Variants in RPRD1A observed in about 807,000 individuals in gnomAD.
The protein encoded by RPRD1A is regulation of nuclear pre-mRNA domain-containing protein 1A.
Under a neutral mutation model 37.8 loss-of-function variants are expected in RPRD1A, and 9 were observed. The ratio of observed to expected loss-of-function variants is 0.24; its 90% CI spans 0.14 to 0.42. The LOEUF (loss-of-function observed/expected upper bound fraction) is 0.42, where lower values mean the gene tolerates loss of function less well. RPRD1A is among the 10% of genes least tolerant of loss of function. The pLI is 1.00. For synonymous variants in RPRD1A, 138 were observed against 139.7 expected (o/e 0.99, Z 0.08); for missense variants, 255 against 371.0 (o/e 0.69, Z 2.57).
At chr18:36,060,060 G>A (rs1438317868) in intron 1 of RPRD1A, among the ~76,000 whole-genome samples, 1 of 152,084 alleles carries the variant, frequency 6.6e-6, no homozygotes, top group African/African-American at 2.4e-5. Flanking sequence ...CAATATAAAA[G>A]CCACTGAACT....
chr18:36,002,418 CTTA>C (rs796313657), intron 6 of RPRD1A, among the ~76,000 whole-genome samples: 11 of 152,196 alleles, frequency 7.2e-5, no homozygotes, highest in Middle Eastern at 3.4e-3. Context: ...CAAACACATT[CTTA>C]TTATTTTTTT....
chr18:35,990,523 T>C lies in RPRD1A; in HGVS notation c.*2628A>G, dbSNP rs1476241659. The C allele has an allele frequency of 1.3e-5, 2 of 152,192 alleles. No homozygotes were observed. The highest frequency in any genetic ancestry group is 2.9e-5 in the Non-Finnish European group (2 of 68,042). The allele number at this position is 152,192 out of a possible 1,614,324, so 9.4% of individuals were successfully genotyped here. A position where few individuals can be genotyped will look rare whatever the true frequency, so the allele number is the denominator to read the frequency against. On this transcript the variant is annotated 3_prime_UTR_variant, in exon 7 of 7. Transcript: ENST00000399022. ...GGTTCCCCTCTATGGTCCTTTTACT[T>C]ACTGTAGTGATGGAAGGAGAGAAGG...
chr18:35,993,471 G>A (rs568473718), intron 6 of RPRD1A, among the ~76,000 whole-genome samples, 171 bp from the exon 7 acceptor site: 10 of 152,308 alleles, frequency 6.6e-5, no homozygotes, highest in African/African-American at 2.4e-4. Flanking sequence ...TATATAACTA[G>A]TAAACTATTA....
chr18:36,039,479 G>A (rs1912433432), intron 1 of RPRD1A, among the ~76,000 whole-genome samples: 1 of 152,140 alleles, frequency 6.6e-6, no homozygotes, highest in South Asian at 2.1e-4. Flanking sequence ...AAAGAAATCA[G>A]AGTCCAGACT....
intron 6 of RPRD1A, among the ~76,000 whole-genome samples, chr18:35,999,436 T>A (rs569259177): frequency 1.3e-5 from 2 of 152,356 alleles, no homozygotes; most frequent in Admixed American, 1.3e-4. Context: ...TGAGATGATA[T>A]CAGAATCACC....
chr18:36,031,233 ATCACTATGTGG>A lies in RPRD1A; in HGVS notation c.282-147_282-137del. 2.7e-6 allele frequency: 3 copies of A among 1,101,870 alleles called. No homozygotes were observed. The East Asian group carries it at 8.2e-5, about 30-fold the overall frequency. The allele number at this position is 1,101,870 out of a possible 1,614,324, so 68.3% of individuals were successfully genotyped here. On this transcript the variant is annotated intron_variant, in intron 2 of 6. Transcript: ENST00000399022. ...AAAACTGTCCAAATGTCTACTTAGC[ATCACTATGTGG>A]CCAGCAGCTCAAAAGTGAAGTGATC...
chr18:36,067,423 A>G lies in RPRD1A; in HGVS notation c.-19T>C. The G allele has an allele frequency of 9.4e-6, 15 of 1,598,146 alleles. No individual in the cohort carries two copies. The highest frequency in any genetic ancestry group is 1.2e-5 in the Non-Finnish European group (14 of 1,172,200). On this transcript the variant is annotated 5_prime_UTR_variant, in exon 1 of 7. Transcript: ENST00000399022. ...CTGACATCCCTCCGACACCACGTTC[A>G]CGCCGTCCCACGCGGTGGGGCCGAG...
At chr18:36,015,377 TA>T (rs1401823910) in intron 6 of RPRD1A, among the ~76,000 whole-genome samples, 1 of 152,054 alleles carries the variant, frequency 6.6e-6, no homozygotes, top group African/African-American at 2.4e-5. Context: ...CACGTCCGGC[TA>T]ATTTTTGTAT....
chr18:36,021,456 G>GTCCCTGTCTC (rs1351347973), intron 6 of RPRD1A, among the ~76,000 whole-genome samples: 1 of 152,168 alleles, frequency 6.6e-6, no homozygotes, highest in Non-Finnish European at 1.5e-5. Context: ...CTGACTGGCT[G>GTCCCTGTCTC]TCCCTGTCTC....
rs564988624 is a variant in RPRD1A at position 36,064,870 on chromosome 18, C to G, written c.151+2384G>C. On this transcript the variant is annotated intron_variant, in intron 1 of 6. Transcript: ENST00000399022. Reference sequence around the variant, plus strand: ...GAGCTGTAACACTCACCGCGAAGGTCTGCAGCTTCACTCCTGAAGCCAGCG... The same window carrying G: ...GAGCTGTAACACTCACCGCGAAGGTGTGCAGCTTCACTCCTGAAGCCAGCG... 1.1e-3 allele frequency among the ~76,000 whole-genome samples: 165 copies of G among 152,308 alleles called. 1 individual carries two copies. Among genetic ancestry groups the G allele is most frequent in the African/African-American group, 3.9e-3 (160 of 41,558 alleles).
At chr18:36,019,910 C>T (rs189847536) in intron 6 of RPRD1A, among the ~76,000 whole-genome samples, 105 of 152,230 alleles carry the variant, frequency 6.9e-4, no homozygotes, top group Admixed American at 1.4e-3. Context: ...CGTGATGGCG[C>T]GCACCTGTAA....
At chr18:35,996,045 G>C (rs146240501) in intron 6 of RPRD1A, among the ~76,000 whole-genome samples, 1 of 152,236 alleles carries the variant, frequency 6.6e-6, no homozygotes, top group Non-Finnish European at 1.5e-5. Flanking sequence ...ATTCTGGATG[G>C]GATCCTGGAA....
chr18:36,027,507 A>G, intron 4 of RPRD1A, 197 bp from the exon 5 acceptor site: 1 of 556,292 alleles, frequency 1.8e-6, no homozygotes, highest in Non-Finnish European at 3.1e-6. Context: ...TGAAAATATA[A>G]ACAGGACAAG....
At chr18:36,066,907 C>T (rs770931587) in intron 1 of RPRD1A, among the ~76,000 whole-genome samples, 3 of 152,184 alleles carry the variant, frequency 2.0e-5, no homozygotes, top group Non-Finnish European at 2.9e-5. Flanking sequence ...TTTCCACTCC[C>T]CTACCTTCTC....
intron 1 of RPRD1A, among the ~76,000 whole-genome samples, chr18:36,035,106 A>G (rs2144311206): frequency 6.6e-6 from 1 of 152,322 alleles, no homozygotes; most frequent in Non-Finnish European, 1.5e-5. Context: ...CACAGTGTAC[A>G]ACTGGTTAAG....
chr18:35,995,936 C>T (rs1909026784), intron 6 of RPRD1A, among the ~76,000 whole-genome samples: 2 of 152,278 alleles, frequency 1.3e-5, no homozygotes, highest in South Asian at 2.1e-4. Flanking sequence ...AAATGAGGGA[C>T]GTGACCAGTA....
chr18:36,025,490 GT>G, intron 6 of RPRD1A: 1 of 473,748 alleles, frequency 2.1e-6, no homozygotes, highest in Non-Finnish European at 3.4e-6. Context: ...TATAAATTCT[GT>G]TTTTGTAAAC....
chr18:36,027,284 T>C lies in RPRD1A; in HGVS notation c.513A>G (p.Gln171=). The part of the protein sequence containing the change: ...PQTLDLVRAL[Q]DLENAASGDA... ...CACCTGAGGCTGCATTTTCCAGATC[T>C]TGTAATGCTCTAACGAGATCTAGAG... The change falls in exon 5 of 7, where the codon CAA becomes CAG. Residue 171 remains glutamine (Q), a synonymous_variant. Transcript: ENST00000399022. The C allele has an allele frequency of 6.2e-7, 1 of 1,613,942 alleles. No individual in the cohort carries two copies. The highest frequency in any genetic ancestry group is 8.5e-7 in the Non-Finnish European group (1 of 1,179,848).
chr18:36,056,595 C>G (rs1913786777), intron 1 of RPRD1A, among the ~76,000 whole-genome samples: 2 of 151,928 alleles, frequency 1.3e-5, no homozygotes, highest in Admixed American at 1.3e-4. Context: ...GCCTTTTTTG[C>G]CTTTTAAATT....
Sources: gnomAD v4.1 joint callset for allele counts (sites outside exome capture counted in the v4.1 genomes callset) on GRCh38, gnomAD v4.1.1 for gene constraint, MANE v1.5 for transcripts, NCBI Gene and HGNC (gene_info 2026-07-23, HGNC 2026-07-21) for gene names.